The following CNNM2 variants were observed in gnomAD, a reference collection of about 807,000 sequenced individuals.
CNNM2 encodes metal transporter CNNM2.
In CNNM2, 12 loss-of-function variants were observed where a neutral mutation model predicts 66.9. The ratio of observed to expected loss-of-function variants is 0.18; its 90% CI spans 0.11 to 0.29. The LOEUF (loss-of-function observed/expected upper bound fraction) is 0.29. CNNM2 is among the 10% of genes least tolerant of loss of function. CNNM2 has a pLI of 1.00. For synonymous variants in CNNM2, 557 were observed against 501.8 expected (o/e 1.11, Z -1.47); for missense variants, 705 against 1,167.7 (o/e 0.60, Z 5.77).
chr10:102,929,244 G>A (rs912738098), intron 1 of CNNM2, among the ~76,000 whole-genome samples: 1 of 151,954 alleles, frequency 6.6e-6, no homozygotes, highest in Admixed American at 6.6e-5. Flanking sequence ...GTGCGACAGA[G>A]CGAGACTCTG....
intron 1 of CNNM2, among the ~76,000 whole-genome samples, chr10:103,037,280 T>A (rs1422304960): frequency 1.3e-5 from 2 of 148,372 alleles, no homozygotes; most frequent in East Asian, 3.9e-4. Context: ...ATATATATTT[T>A]ATTTTTATAT....
intron 1 of CNNM2, among the ~76,000 whole-genome samples, chr10:102,926,683 C>A (rs1179440086): frequency 6.6e-6 from 1 of 151,564 alleles, no homozygotes; most frequent in Non-Finnish European, 1.5e-5. Context: ...GTACCTGGGA[C>A]CACAGGCGTG....
At chr10:103,039,742 G>A (rs1398776280) in intron 1 of CNNM2, among the ~76,000 whole-genome samples, 1 of 152,146 alleles carries the variant, frequency 6.6e-6, no homozygotes, top group South Asian at 2.1e-4. Context: ...GAGGGGCTGG[G>A]GCTCTATAAG....
At chr10:103,072,703 C>G (rs759562297) in intron 6 of CNNM2, among the ~76,000 whole-genome samples, 1 of 152,226 alleles carries the variant, frequency 6.6e-6, no homozygotes, top group Non-Finnish European at 1.5e-5. Flanking sequence ...GCTGGGATTT[C>G]CTAGTTGGTA....
chr10:103,047,840 C>G (rs940111053), intron 1 of CNNM2, among the ~76,000 whole-genome samples: 1 of 152,170 alleles, frequency 6.6e-6, no homozygotes, highest in African/African-American at 2.4e-5. Context: ...ATATCACCAG[C>G]AATCTCATCA....
intron 1 of CNNM2, among the ~76,000 whole-genome samples, chr10:103,048,309 A>T (rs1397815877): frequency 1.4e-5 from 2 of 142,396 alleles, no homozygotes; most frequent in Non-Finnish European, 3.0e-5. Flanking sequence ...TCCGCCTCCC[A>T]GATTCAAGTG....
chr10:102,956,145 G>A (rs563497593), intron 1 of CNNM2, among the ~76,000 whole-genome samples: 115 of 152,106 alleles, frequency 7.6e-4, no homozygotes, highest in Admixed American at 3.7e-3. Flanking sequence ...AAAATTAGCC[G>A]GGCGTGGTGG....
rs1480082368 is a variant in CNNM2, at chr10:103,022,783, G to A, written c.1622-26924G>A. On this transcript the variant is annotated intron_variant, in intron 1 of 7. Transcript: ENST00000369878. ...TTCTGCAGGCTGTACAGGAAGCATG[G>A]CACTGGCATCTGCTCCTGGTGAGGG... Among the ~76,000 whole-genome samples, 3 of 152,282 alleles carry A rather than the reference G, an allele frequency of 2.0e-5. No individual in the cohort carries two copies. The East Asian group carries it at 5.8e-4, about 29-fold the overall frequency.
chr10:103,012,308 G>T (rs2064358426), intron 1 of CNNM2, among the ~76,000 whole-genome samples: 1 of 152,196 alleles, frequency 6.6e-6, no homozygotes, highest in African/African-American at 2.4e-5. Flanking sequence ...ATGTAGGAGA[G>T]ATTTTATGTA....
chr10:103,059,979 A>T (rs927371620), intron 4 of CNNM2, among the ~76,000 whole-genome samples: 12 of 152,092 alleles, frequency 7.9e-5, no homozygotes, highest in Admixed American at 2.6e-4. Flanking sequence ...TCTACAAAAA[A>T]TTTTTTAAAA....
chr10:103,077,215 G>C lies in CNNM2; in HGVS notation c.*35G>C, dbSNP rs374445685. 4 of 1,590,514 alleles carry C rather than the reference G, an allele frequency of 2.5e-6. No homozygotes were observed. The highest frequency in any genetic ancestry group is 3.4e-6 in the Non-Finnish European group (4 of 1,165,414). ...GCTGCACCCGCCCAGGCCCGCACCCGCCCAGTCCCGAGGGCCCGGCCCTGT... is the reference window on the plus strand; with the variant it reads ...GCTGCACCCGCCCAGGCCCGCACCCCCCCAGTCCCGAGGGCCCGGCCCTGT... On this transcript the variant is annotated 3_prime_UTR_variant, in exon 8 of 8. Transcript: ENST00000369878.
At chr10:103,013,951 C>A (rs2064393184) in intron 1 of CNNM2, among the ~76,000 whole-genome samples, 1 of 152,032 alleles carries the variant, frequency 6.6e-6, no homozygotes, top group Non-Finnish European at 1.5e-5. Flanking sequence ...TCGTCTAATC[C>A]CAGTAGAAAT....
At chr10:103,028,703 C>T (rs2064755398) in intron 1 of CNNM2, among the ~76,000 whole-genome samples, 1 of 151,254 alleles carries the variant, frequency 6.6e-6, no homozygotes, top group East Asian at 1.9e-4. Context: ...CATTGTGTCC[C>T]AGGAAAAAAA....
chr10:103,003,205 T>C (rs923164596), intron 1 of CNNM2, among the ~76,000 whole-genome samples: 22 of 151,332 alleles, frequency 1.5e-4, no homozygotes, highest in African/African-American at 4.4e-4. Flanking sequence ...CTCCGCCTCC[T>C]GGGTCCAAGC....
chr10:103,072,095 CT>C (rs1303844668), intron 6 of CNNM2, among the ~76,000 whole-genome samples: 3 of 152,168 alleles, frequency 2.0e-5, no homozygotes, highest in Admixed American at 6.5e-5. Flanking sequence ...GAGGGCGGCT[CT>C]GGTGTGGATT....
rs560592481 is a variant in CNNM2 at position 102,919,770 on chromosome 10, G to A, written c.1290G>A (p.Glu430=). ...VTDPYNDLVK[E]ELNIIQGALE... ...ATCCCTACAACGACCTCGTTAAGGA[G>A]GAGCTGAACATCATCCAAGGGGCGC... Residue 430 remains glutamate (E), a synonymous_variant, in exon 1 of 8, where the codon GAG becomes GAA. Coordinates refer to ENST00000369878, the MANE Select transcript of CNNM2 (RefSeq NM_017649.5). The A allele has an allele frequency of 1.2e-6, 2 of 1,614,258 alleles. No homozygotes were observed. Among genetic ancestry groups the A allele is most frequent in the South Asian group, 1.1e-5 (1 of 91,092 alleles).
intron 1 of CNNM2, among the ~76,000 whole-genome samples, chr10:103,031,785 T>C (rs1481453242): frequency 1.3e-5 from 2 of 151,828 alleles, no homozygotes; most frequent in Non-Finnish European, 2.9e-5. Context: ...AGAACCTTTT[T>C]AGGAACCTAT....
rs1220502676 is a variant in CNNM2 at position 103,083,199 on chromosome 10, C to G, written c.*6019C>G. 1.3e-5 allele frequency: 2 copies of G among 152,082 alleles called. No individual in the cohort carries two copies. The highest frequency in any genetic ancestry group is 2.4e-5 in the African/African-American group (1 of 41,370). 9.4% of individuals were successfully genotyped at this position (152,082 alleles called of 1,614,324 possible). A position where few individuals can be genotyped will look rare whatever the true frequency, so the allele number is the denominator to read the frequency against. ...AGTATTCAGAGCTGTGTACATAAAC[C>G]TAAATAAGCACAAATGACATGTATA... On this transcript the variant is annotated 3_prime_UTR_variant, in exon 8 of 8. Coordinates refer to ENST00000369878, the MANE Select transcript of CNNM2 (RefSeq NM_017649.5).
rs66498944 is a variant in CNNM2, at chr10:102,976,611, A to ATTTTTTTTTTTTTTTTTTTTTTT, written c.1621+56516_1621+56538dup. ...CAGGTGTGCGCCACACGCCCAGGTAATTTTTTTTTTTTTTTTTTTTTTTTT... is the reference window on the plus strand; with the variant it reads ...CAGGTGTGCGCCACACGCCCAGGTAATTTTTTTTTTTTTTTTTTTTTTTTTTTTTTTTTTTTTTTTTTTTTTTT... On this transcript the variant is annotated intron_variant, in intron 1 of 7. Transcript: ENST00000369878. Among the ~76,000 whole-genome samples, 40 of 59,436 alleles carry ATTTTTTTTTTTTTTTTTTTTTTT rather than the reference A, an allele frequency of 6.7e-4. 1 individual carries two copies. Among genetic ancestry groups the ATTTTTTTTTTTTTTTTTTTTTTT allele is most frequent in the Non-Finnish European group, 1.1e-3 (37 of 32,934 alleles). 39.0% of individuals were successfully genotyped at this position (59,436 alleles called of 152,430 possible).
Sources: allele counts gnomAD v4.1 joint callset (sites outside exome capture counted in the v4.1 genomes callset), GRCh38; gene constraint gnomAD v4.1.1; transcripts MANE v1.5; gene names NCBI Gene and HGNC (gene_info 2026-07-23, HGNC 2026-07-21).